DHX38: variants seen among roughly 807,000 people sequenced by gnomAD.
DHX38 encodes pre-mRNA-splicing factor ATP-dependent RNA helicase PRP16.
In DHX38, 100 loss-of-function variants were observed where a neutral mutation model predicts 153.1. The ratio of observed to expected loss-of-function variants is 0.65; its 90% CI spans 0.56 to 0.77. The LOEUF is 0.77. Ranked by LOEUF, DHX38 falls within the 30% of genes least tolerant of loss-of-function variation. The pLI is 0.00. For missense variants in DHX38, 1,440 were observed against 1,654.0 expected (o/e 0.87, Z 2.24); for synonymous variants, 650 against 631.7 (o/e 1.03, Z -0.43).
rs771877681 is a variant in DHX38 at position 72,111,028 on chromosome 16, C to T, written c.3550C>T (p.Arg1184Ter). Residue 1184 changes from arginine to a stop codon, truncating the protein, a stop_gained, in exon 26 of 27, where the codon CGA (arginine) becomes TGA (stop). Coordinates refer to ENST00000268482, the MANE Select transcript of DHX38 (RefSeq NM_014003.4). LOFTEE classifies it high-confidence loss of function. ...GATGGCGCTGGCCGAGGAGCAGCTG[C>T]GAGCCCGGCGGCAGGAGCAGGAGAA... is the stretch of plus-strand genomic sequence containing the variant. Reference protein sequence around the residue: ...EEMALAEEQLRARRQEQEKRS... With the variant: ...EEMALAEEQL 32 of 1,581,144 alleles carry T rather than the reference C, an allele frequency of 2.0e-5. No homozygotes were observed. Among genetic ancestry groups the T allele is most frequent in the South Asian group, 3.5e-5 (3 of 86,372 alleles).
rs763276852 is a variant in DHX38 at position 72,100,606 on chromosome 16, C to T, written c.1278+9C>T. 1.9e-6 allele frequency: 3 copies of T among 1,613,348 alleles called. No homozygotes were observed. The highest frequency in any genetic ancestry group is 1.7e-6 in the Non-Finnish European group (2 of 1,179,724). ...TTGTCTTCACCAAGCAGGTGAGGCT[C>T]CTCTGTGGCCAGGGACAAGACAGCT... On this transcript the variant is annotated intron_variant, in intron 9 of 26. Transcript: ENST00000268482.
chr16:72,102,173 G>A (rs1349143070), intron 11 of DHX38, among the ~76,000 whole-genome samples: 2 of 152,170 alleles, frequency 1.3e-5, no homozygotes, highest in Non-Finnish European at 2.9e-5. Context: ...CTCATCCTTC[G>A]AATGCCCTTA....
At position 72,110,351 on chromosome 16, in the gene DHX38, A is replaced by G. The variant is rs190209737; in HGVS notation, c.3478-605A>G. 5.6e-4 allele frequency among the ~76,000 whole-genome samples: 86 copies of G among 152,330 alleles called. 1 individual carries two copies. Among genetic ancestry groups the G allele is most frequent in the African/African-American group, 1.9e-3 (77 of 41,570 alleles). On this transcript the variant is annotated intron_variant, in intron 25 of 26. Transcript: ENST00000268482. Reference sequence around the variant, plus strand: ...TGTGGCAGAGATGCCTGCATGTGGCACTGTGAACCTCCTCTTAGATGCCTT... The same window carrying G: ...TGTGGCAGAGATGCCTGCATGTGGCGCTGTGAACCTCCTCTTAGATGCCTT...
intron 18 of DHX38, 81 bp downstream of exon 18, chr16:72,105,705 T>C: frequency 7.2e-7 from 1 of 1,382,284 alleles, no homozygotes; most frequent in Non-Finnish European, 1.0e-6. Context: ...AGGGCCTCGC[T>C]CCTGGCCCTG....
chr16:72,103,098 C>A lies in DHX38; in HGVS notation c.1524C>A (p.His508Gln). ...DYRTEQKFAD[H>Q]MKRKSEASSE... ...GGACAGAGCAGAAGTTTGCAGATCA[C>A]ATGAAGAGAAAGAGCGAAGCCAGCA... The change falls in exon 12 of 27, where the codon CAC (histidine) becomes CAA (glutamine). Residue 508 changes from histidine (H) to glutamine (Q), a missense_variant. By Grantham distance (24) the His-to-Gln change is conservative. Around this residue, in one of 6 missense-constraint regions of DHX38, gnomAD observed 241 missense variants for 229.5 expected, o/e 1.05. Coordinates refer to ENST00000268482, the MANE Select transcript of DHX38 (RefSeq NM_014003.4). 1.2e-6 allele frequency: 2 copies of A among 1,614,182 alleles called. No individual in the cohort carries two copies. Among genetic ancestry groups the A allele is most frequent in the Non-Finnish European group, 1.7e-6 (2 of 1,180,026 alleles).
At position 72,105,091 on chromosome 16, in the gene DHX38, C is replaced by T; in HGVS notation, c.2216C>T (p.Ala739Val). The change falls in exon 16 of 27, where the codon GCC (alanine) becomes GTC (valine). Residue 739 changes from alanine (A) to valine (V), a missense_variant. Ala to Val is a moderately conservative substitution (Grantham distance 64, BLOSUM62 0). Around this residue, in one of 6 missense-constraint regions of DHX38, gnomAD observed 543 missense variants for 717.9 expected, o/e 0.76. Coordinates refer to ENST00000268482, the MANE Select transcript of DHX38 (RefSeq NM_014003.4). ...TCCTTGCAGGTGCACCTGTCGGGGG[C>T]CCCTGGAGACATCCTTATCTTCATG... is the stretch of plus-strand genomic sequence containing the variant. ...KQSLQVHLSG[A>V]PGDILIFMPG... The T allele has an allele frequency of 6.2e-7, 1 of 1,614,202 alleles. No homozygotes were observed. The highest frequency in any genetic ancestry group is 8.5e-7 in the Non-Finnish European group (1 of 1,180,042).
chr16:72,112,263 G>A (rs186070479), intron 26 of DHX38, 150 bp from the exon 27 acceptor site: 17 of 689,230 alleles, frequency 2.5e-5, no homozygotes, highest in Non-Finnish European at 3.5e-5. Flanking sequence ...GGACGGCAGA[G>A]GAGTGAGAAT....
chr16:72,108,100 C>G, intron 21 of DHX38, 127 bp from the exon 22 acceptor site: 1 of 1,161,292 alleles, frequency 8.6e-7, no homozygotes, highest in Admixed American at 2.4e-5. Flanking sequence ...CTCAAATTGT[C>G]AGGGCAACCT....
chr16:72,112,571 G>A lies in DHX38; in HGVS notation c.*74G>A, dbSNP rs374667390. The A allele has an allele frequency of 2.2e-5, 34 of 1,513,614 alleles. No individual in the cohort carries two copies. The highest frequency in any genetic ancestry group is 6.8e-5 in the Admixed American group (4 of 59,132). 93.8% of individuals were successfully genotyped at this position (1,513,614 alleles called of 1,614,324 possible). ...CTTCTGGCGGGAGCCCTGAGGCTGC[G>A]GACAAAGCCCTTTCATCTGAGGACT... On this transcript the variant is annotated 3_prime_UTR_variant, in exon 27 of 27. Transcript: ENST00000268482.
intron 25 of DHX38, among the ~76,000 whole-genome samples, chr16:72,110,304 A>G (rs1034108495): frequency 1.2e-4 from 19 of 152,248 alleles, no homozygotes; most frequent in Admixed American, 7.8e-4. Context: ...CAACCGCTCA[A>G]TTAGATCCCG....
chr16:72,111,875 G>A (rs2042261518), intron 26 of DHX38, among the ~76,000 whole-genome samples: 1 of 152,212 alleles, frequency 6.6e-6, no homozygotes, highest in South Asian at 2.1e-4. Context: ...CTCCCCAGAG[G>A]TGAGGCTGAT....
At position 72,107,433 on chromosome 16, in the gene DHX38, C is replaced by G. The variant is rs754468728; in HGVS notation, c.2694C>G (p.Leu898=). Residue 898 remains leucine (L), a synonymous_variant, in exon 20 of 27, where the codon CTC becomes CTG. Coordinates refer to ENST00000268482, the MANE Select transcript of DHX38 (RefSeq NM_014003.4). The surrounding 1 kb of genome is among the most constrained non-coding windows in gnomAD (Gnocchi z 5.3). ...ACCTGGCCAACGTGGTGCTGCTGCT[C>G]AAGTCCCTCGGGGTGCAGGACCTGC... ...RTNLANVVLL[L]KSLGVQDLLQ... 1.2e-6 allele frequency: 2 copies of G among 1,614,172 alleles called. No individual in the cohort carries two copies. The highest frequency in any genetic ancestry group is 1.7e-6 in the Non-Finnish European group (2 of 1,180,034).
intron 18 of DHX38, 22 bp from the exon 19 acceptor site, chr16:72,105,983 G>A (rs1447248569): frequency 1.6e-5 from 25 of 1,608,732 alleles, no homozygotes; most frequent in Non-Finnish European, 2.0e-5. Context: ...TCCTTCGTCA[G>A]CTCTTTGCCG....
chr16:72,105,544 G>C lies in DHX38; in HGVS notation c.2407G>C (p.Val803Leu). Reference sequence around the variant, plus strand: ...TCCAGATGGCGTTCGGAAGTGCATCGTTGCCACCAATATTGCCGAGACGTC... The same window carrying C: ...TCCAGATGGCGTTCGGAAGTGCATCCTTGCCACCAATATTGCCGAGACGTC... ...KAPDGVRKCIVATNIAETSLT... is the reference protein window; with the variant it reads ...KAPDGVRKCILATNIAETSLT... The change falls in exon 18 of 27, where the codon GTT (valine) becomes CTT (leucine). Residue 803 changes from valine (V) to leucine (L), a missense_variant. Physicochemically the swap from Val to Leu is conservative, Grantham distance 32. Around this residue, in one of 6 missense-constraint regions of DHX38, gnomAD observed 543 missense variants for 717.9 expected, o/e 0.76. Coordinates refer to ENST00000268482, the MANE Select transcript of DHX38 (RefSeq NM_014003.4). 6.2e-7 allele frequency: 1 copy of C among 1,614,134 alleles called. No individual in the cohort carries two copies. The highest frequency in any genetic ancestry group is 1.1e-5 in the South Asian group (1 of 91,080).
intron 1 of DHX38, 47 bp from the exon 2 acceptor site, chr16:72,096,092 G>A (rs1015371200): frequency 5.2e-6 from 8 of 1,527,226 alleles, no homozygotes; most frequent in Non-Finnish European, 7.1e-6. Context: ...GTGGGATATA[G>A]TAGAGCTGAG....
At position 72,101,553 on chromosome 16, in the gene DHX38, C is replaced by G; in HGVS notation, c.1440C>G (p.Gly480=). 6.4e-7 allele frequency: 1 copy of G among 1,552,062 alleles called. No individual in the cohort carries two copies. Among genetic ancestry groups the G allele is most frequent in the Non-Finnish European group, 8.7e-7 (1 of 1,147,222 alleles). Reference sequence around the variant, plus strand: ...GGACCAAACTGGGAGATATAATGGGCGTCAAGAAGGAGGAAGAGCCAGATA... The same window carrying G: ...GGACCAAACTGGGAGATATAATGGGGGTCAAGAAGGAGGAAGAGCCAGATA... ...LAGTKLGDIM[G]VKKEEEPDKA... Residue 480 remains glycine (G), a synonymous_variant, in exon 11 of 27, where the codon GGC becomes GGG. Transcript: ENST00000268482.
In DHX38 at chr16:72,098,715, G is replaced by A. The variant is rs765427167; in HGVS notation, c.687G>A (p.Gln229=). Residue 229 remains glutamine (Q), a synonymous_variant, in exon 5 of 27, where the codon CAG becomes CAA. Transcript: ENST00000268482. ...DSGYGSSRRS[Q]WESPSPTPSY... Reference sequence around the variant, plus strand: ...GCTATGGCTCCTCAAGGCGCTCACAGTGGGAATCGCCCTCCCCGACGCCTT... The same window carrying A: ...GCTATGGCTCCTCAAGGCGCTCACAATGGGAATCGCCCTCCCCGACGCCTT... 9.9e-6 allele frequency: 16 copies of A among 1,613,936 alleles called. No individual in the cohort carries two copies. The highest frequency in any genetic ancestry group is 1.2e-5 in the Non-Finnish European group (14 of 1,179,998).
rs1050363 is a variant in DHX38 at position 72,101,115 on chromosome 16, T to C, written c.1308T>C (p.Ala436=). 841,982 of 1,613,964 alleles carry C rather than the reference T, an allele frequency of 0.52. 224,352 individuals are homozygous for C. The highest frequency in any genetic ancestry group is 0.77 in the African/African-American group (57,605 of 75,010). The change falls in exon 10 of 27, where the codon GCT becomes GCC. Residue 436 remains alanine (A), a synonymous_variant. Coordinates refer to ENST00000268482, the MANE Select transcript of DHX38 (RefSeq NM_014003.4). ...AGCCGGTGATTCCAGTGAAGGATGC[T>C]ACTTCTGACCTGGCCATCATTGCTC... ...QPEPVIPVKD[A]TSDLAIIARK...
chr16:72,106,292 G>T (rs549738274), intron 19 of DHX38, among the ~76,000 whole-genome samples, 175 bp downstream of exon 19: 13 of 152,382 alleles, frequency 8.5e-5, no homozygotes, highest in African/African-American at 3.1e-4. Context: ...GAAGGAAGGA[G>T]TGGCTTTCCA....
Sources: allele counts gnomAD v4.1 joint callset (sites outside exome capture counted in the v4.1 genomes callset), GRCh38; gene constraint gnomAD v4.1.1; regional missense constraint gnomAD v4.1.1; non-coding constraint Gnocchi (gnomAD v3.1); transcripts MANE v1.5; gene names NCBI Gene and HGNC (gene_info 2026-07-23, HGNC 2026-07-21).